Variants in NEK2 observed in about 807,000 individuals in gnomAD.
NEK2 encodes the protein NIMA related kinase 2, also known as serine/threonine-protein kinase Nek2.
In NEK2, 28 loss-of-function variants were observed where a neutral mutation model predicts 54.1. The ratio of observed to expected loss-of-function variants is 0.52; its 90% confidence interval spans 0.38 to 0.71. The LOEUF (loss-of-function observed/expected upper bound fraction) is 0.71, where lower values mean the gene tolerates loss of function less well. Among genes scored for constraint, NEK2 ranks in the 30% least tolerant of loss-of-function variants. The pLI, the probability that NEK2 is intolerant of heterozygous loss-of-function variation, is 0.00. For missense variants in NEK2, 407 were observed against 531.5 expected (o/e 0.77, Z 2.30); for synonymous variants, 176 against 193.1 (o/e 0.91, Z 0.73).
downstream of NEK2, chr1:211,661,240 G>T (rs182277345): frequency 1.0e-4 from 70 of 691,190 alleles, no homozygotes; most frequent in Middle Eastern, 4.2e-4. Context: ...TCTGATTTTT[G>T]ATCTCCATTC....
intron 6 of NEK2, among the ~76,000 whole-genome samples, chr1:211,668,263 C>T (rs1031933944): frequency 3.3e-5 from 5 of 152,094 alleles, no homozygotes; most frequent in African/African-American, 7.2e-5. Context: ...GTCACAAATA[C>T]GACCCCATCT....
intron 3 of NEK2, among the ~76,000 whole-genome samples, chr1:211,672,443 A>G (rs550480753): frequency 6.6e-6 from 1 of 152,326 alleles, no homozygotes; most frequent in South Asian, 2.1e-4. Flanking sequence ...TGGTGAGTGG[A>G]CTCAGCAAGA....
chr1:211,660,681 T>C, downstream of NEK2: 1 of 665,746 alleles, frequency 1.5e-6, no homozygotes, highest in Non-Finnish European at 2.9e-6. Flanking sequence ...TTTGTAATTC[T>C]TTTCCTTGAA....
intron 6 of NEK2, 45 bp from the exon 7 acceptor site, chr1:211,667,276 C>A: frequency 6.4e-7 from 1 of 1,552,954 alleles, no homozygotes. Context: ...AACAACTGAC[C>A]TTGACTAAAA....
chr1:211,670,749 T>C (rs1184820835), intron 4 of NEK2, among the ~76,000 whole-genome samples: 1 of 152,102 alleles, frequency 6.6e-6, no homozygotes, highest in East Asian at 1.9e-4. Context: ...TTGCTTCCCT[T>C]ATCCCTAGTT....
downstream of NEK2, among the ~76,000 whole-genome samples, chr1:211,659,049 A>C (rs1654953381): frequency 6.6e-6 from 1 of 152,222 alleles, no homozygotes; most frequent in African/African-American, 2.4e-5. Context: ...ACACACAGTC[A>C]ATGCTGTGAC....
chr1:211,663,366 TCA>T lies in NEK2; in HGVS notation c.*58_*59del. ...TATTCAACACTACAGCATTTGAATATCAGTCTTTAAAGGTTGGTAATATTACA... is the reference window on the plus strand; with the variant it reads ...TATTCAACACTACAGCATTTGAATATGTCTTTAAAGGTTGGTAATATTACA... On this transcript the variant is annotated 3_prime_UTR_variant, in exon 8 of 8. Transcript: ENST00000366999. 1 of 1,549,594 alleles carries T rather than the reference TCA, an allele frequency of 6.5e-7. No homozygotes were observed. The highest frequency in any genetic ancestry group is 8.7e-7 in the Non-Finnish European group (1 of 1,143,680).
In NEK2 at chr1:211,673,601, T is replaced by G; in HGVS notation, c.437A>C (p.Asn146Thr). The G allele has an allele frequency of 3.7e-6, 6 of 1,614,184 alleles. No homozygotes were observed. Among genetic ancestry groups the G allele is most frequent in the African/African-American group, 1.3e-5 (1 of 75,046 alleles). ...GTTTTGCTTGCCATCCAGGAAAACATTGGCTGGTTTCAGATCCCGATGCAA... is the reference window on the plus strand; with the variant it reads ...GTTTTGCTTGCCATCCAGGAAAACAGTGGCTGGTTTCAGATCCCGATGCAA... ...TVLHRDLKPA[N>T]VFLDGKQNVK... Residue 146 changes from asparagine (N) to threonine (T), a missense_variant, in exon 3 of 8, where the codon AAT becomes ACT. Transcript: ENST00000366999.
chr1:211,666,617 G>A (rs1424196597), intron 7 of NEK2: 4 of 336,300 alleles, frequency 1.2e-5, no homozygotes, highest in Non-Finnish European at 1.7e-5. Flanking sequence ...TGGCTAACAC[G>A]GTGAAACCCC....
At chr1:211,661,061 AC>A, downstream of NEK2, 1 of 741,318 alleles carries the variant, frequency 1.3e-6, no homozygotes, top group South Asian at 1.4e-5. Flanking sequence ...AATGCTAAGC[AC>A]CGTCAAACCC....
chr1:211,667,175 C>A lies in NEK2; in HGVS notation c.1042G>T (p.Ala348Ser), dbSNP rs1396598606. 1.2e-6 allele frequency: 2 copies of A among 1,613,520 alleles called. No individual in the cohort carries two copies. The highest frequency in any genetic ancestry group is 1.7e-6 in the Non-Finnish European group (2 of 1,179,772). Residue 348 changes from alanine (A) to serine (S), a missense_variant, in exon 7 of 8, where the codon GCA becomes TCA. By Grantham distance (99) the Ala-to-Ser change is moderately conservative (BLOSUM62 1). Transcript: ENST00000366999. ...CTGTAGTTCTTCAACAGATTTTCTGCTCTAGCCAGTTTGTCCTCTGCTAGT... is the reference window on the plus strand; with the variant it reads ...CTGTAGTTCTTCAACAGATTTTCTGATCTAGCCAGTTTGTCCTCTGCTAGT... ...ERLAEDKLARAENLLKNYSLL... is the reference protein window; with the variant it reads ...ERLAEDKLARSENLLKNYSLL...
At chr1:211,667,488 A>G (rs1655218551) in intron 6 of NEK2, among the ~76,000 whole-genome samples, 1 of 152,214 alleles carries the variant, frequency 6.6e-6, no homozygotes, top group South Asian at 2.1e-4. Flanking sequence ...ACCTTTGGTC[A>G]TCTTTTGTGG....
At chr1:211,660,395 C>G, downstream of NEK2, 1 of 663,522 alleles carries the variant, frequency 1.5e-6, no homozygotes, top group Non-Finnish European at 2.9e-6. Flanking sequence ...CCCTAATTCT[C>G]CTTCAGGATC....
chr1:211,665,573 T>A (rs1308915277), intron 7 of NEK2, among the ~76,000 whole-genome samples: 1 of 152,200 alleles, frequency 6.6e-6, no homozygotes, highest in Admixed American at 6.5e-5. Flanking sequence ...AATTTTCTCC[T>A]CATTTTATCA....
chr1:211,669,180 C>T lies in NEK2; in HGVS notation c.918G>A (p.Leu306=). ...CCTGTAACTGAATTTCCTTCAGTTT[C>T]AGCTCACTCAATACAGGGCTGGAAT... The part of the protein sequence containing the change: ...SQDSSPVLSE[L]KLKEIQLQER... Residue 306 remains leucine, a synonymous_variant, in exon 6 of 8, where the codon CTG becomes CTA. Transcript: ENST00000366999. 1 of 1,613,962 alleles carries T rather than the reference C, an allele frequency of 6.2e-7. No homozygotes were observed. The highest frequency in any genetic ancestry group is 8.5e-7 in the Non-Finnish European group (1 of 1,179,882).
chr1:211,660,983 A>G (rs1655005284), downstream of NEK2: 9 of 743,540 alleles, frequency 1.2e-5, no homozygotes, highest in South Asian at 1.3e-4. Flanking sequence ...AGTTCCACAC[A>G]CCAACCCACC....
intron 1 of NEK2, 46 bp downstream of exon 1, chr1:211,675,338 G>A (rs777605996): frequency 6.4e-7 from 1 of 1,573,522 alleles, no homozygotes. Flanking sequence ...GCCCCGAGGC[G>A]ACGAAACCTA....
chr1:211,667,265 T>G (rs1282265572), intron 6 of NEK2, 34 bp from the exon 7 acceptor site: 12 of 1,563,792 alleles, frequency 7.7e-6, no homozygotes, highest in Non-Finnish European at 9.5e-6. Flanking sequence ...AAAAAAAAAT[T>G]AACAACTGAC....
At chr1:211,659,081 AT>A (rs1654954286), downstream of NEK2, among the ~76,000 whole-genome samples, 1 of 152,234 alleles carries the variant, frequency 6.6e-6, no homozygotes, top group Non-Finnish European at 1.5e-5. Flanking sequence ...ATGGAGTCAA[AT>A]TTGCAAAAAA....
Sources: gnomAD v4.1 joint callset for allele counts (sites outside exome capture counted in the v4.1 genomes callset) on GRCh38, gnomAD v4.1.1 for gene constraint, MANE v1.5 for transcripts, NCBI Gene and HGNC (gene_info 2026-07-23, HGNC 2026-07-21) for gene names.